Variants in PDE3B observed in about 807,000 individuals in gnomAD.
PDE3B encodes the protein cGMP-inhibited 3',5'-cyclic phosphodiesterase 3B.
PDE3B carries 66 observed loss-of-function variants against 116.8 expected under a neutral mutation model. That is an observed-to-expected ratio of 0.56 (90% CI 0.46 to 0.69). The LOEUF (loss-of-function observed/expected upper bound fraction) is 0.69. PDE3B is among the 30% of genes least tolerant of loss of function. The pLI is 0.00. For missense variants in PDE3B, 1,384 were observed against 1,368.1 expected (o/e 1.01, Z -0.18); for synonymous variants, 595 against 533.6 (o/e 1.12, Z -1.59).
At chr11:14,891,958 C>T in the PDE3B span, 1 of 1,609,640 alleles carries the variant, frequency 6.2e-7, no homozygotes, top group Non-Finnish European at 8.5e-7. Flanking sequence ...GCCCTCCCTG[C>T]CCGGGGCCCG....
chr11:14,678,214 C>T (rs1353769699), intron 1 of PDE3B, among the ~76,000 whole-genome samples: 1 of 152,030 alleles, frequency 6.6e-6, no homozygotes, highest in East Asian at 1.9e-4. Context: ...GCATGAGCCA[C>T]TGCACCTGGC....
chr11:14,855,566 A>T (rs1441977842), intron 12 of PDE3B, among the ~76,000 whole-genome samples: 9 of 152,184 alleles, frequency 5.9e-5, no homozygotes, highest in Non-Finnish European at 5.9e-5. Context: ...ATTAAATAAA[A>T]CATGGGAAAA....
At chr11:14,727,437 G>A (rs1301240722) in intron 1 of PDE3B, among the ~76,000 whole-genome samples, 2 of 152,080 alleles carry the variant, frequency 1.3e-5, no homozygotes, top group Non-Finnish European at 2.9e-5. Context: ...GTTCATAAGT[G>A]GCTACAGGTA....
intron 4 of PDE3B, among the ~76,000 whole-genome samples, chr11:14,801,403 C>G (rs2133932040): frequency 6.6e-6 from 1 of 152,330 alleles, no homozygotes; most frequent in Admixed American, 6.5e-5. Context: ...TGCTTCCGGT[C>G]TGCTGCAGTT....
At chr11:14,835,776 A>C (rs985949241) in intron 11 of PDE3B, among the ~76,000 whole-genome samples, 1 of 152,132 alleles carries the variant, frequency 6.6e-6, no homozygotes, top group African/African-American at 2.4e-5. Context: ...TAGGCAACAA[A>C]GCAAGACCCC....
intron 5 of PDE3B, among the ~76,000 whole-genome samples, chr11:14,806,882 A>G (rs1858949546): frequency 6.7e-6 from 1 of 150,062 alleles, no homozygotes; most frequent in Non-Finnish European, 1.5e-5. Flanking sequence ...AAAAAAAAAG[A>G]AAAAAAAGAA....
chr11:14,761,211 A>G (rs993193531), intron 1 of PDE3B, among the ~76,000 whole-genome samples: 1 of 152,180 alleles, frequency 6.6e-6, no homozygotes, highest in Non-Finnish European at 1.5e-5. Flanking sequence ...CATCATTGAA[A>G]GACTTTAATT....
chr11:14,898,321 G>C, the PDE3B span, among the ~76,000 whole-genome samples: 2 of 152,024 alleles, frequency 1.3e-5, no homozygotes, highest in African/African-American at 4.8e-5. Flanking sequence ...ATCCCTACTG[G>C]TCTGAAGGGC....
intron 1 of PDE3B, among the ~76,000 whole-genome samples, chr11:14,669,651 C>T (rs945639143): frequency 4.0e-5 from 6 of 148,592 alleles, no homozygotes; most frequent in African/African-American, 1.5e-4. Flanking sequence ...GTGATGTTCC[C>T]CACCCTGTGT....
chr11:14,712,393 T>C (rs1484568900), intron 1 of PDE3B, among the ~76,000 whole-genome samples: 1 of 152,092 alleles, frequency 6.6e-6, no homozygotes, highest in Non-Finnish European at 1.5e-5. Context: ...TCCTGTTTTC[T>C]TTTTTGAGGT....
intron 4 of PDE3B, among the ~76,000 whole-genome samples, chr11:14,789,579 A>G (rs1479735983): frequency 6.6e-6 from 1 of 152,058 alleles, no homozygotes; most frequent in Non-Finnish European, 1.5e-5. Flanking sequence ...CACCAATCCA[A>G]TGAATAGTAT....
intron 1 of PDE3B, among the ~76,000 whole-genome samples, chr11:14,770,814 T>A (rs1185452052): frequency 6.6e-6 from 1 of 151,626 alleles, no homozygotes; most frequent in Non-Finnish European, 1.5e-5. Context: ...GAGATGGTGA[T>A]AATGATAATT....
At chr11:14,675,467 A>T in intron 1 of PDE3B, among the ~76,000 whole-genome samples, 1 of 152,132 alleles carries the variant, frequency 6.6e-6, no homozygotes, top group East Asian at 1.9e-4. Context: ...CACTTATGTA[A>T]TCATGAACCA....
At chr11:14,882,954 T>G in the PDE3B span, among the ~76,000 whole-genome samples, 1 of 151,896 alleles carries the variant, frequency 6.6e-6, no homozygotes, top group African/African-American at 2.4e-5. Flanking sequence ...GAGAATAAAA[T>G]ACCTAGGAAT....
the PDE3B span, among the ~76,000 whole-genome samples, chr11:14,894,969 A>G: frequency 6.6e-6 from 1 of 152,216 alleles, no homozygotes; most frequent in Non-Finnish European, 1.5e-5. Flanking sequence ...CACACTGTAT[A>G]GGGCTTTGCC....
rs529267056 is a variant in PDE3B, at chr11:14,846,365, G to C, written c.2520+2339G>C. On this transcript the variant is annotated intron_variant, in intron 12 of 15. Coordinates refer to ENST00000282096, the MANE Select transcript of PDE3B (RefSeq NM_000922.4). ...CACTAAACATGGAAAGGAACAACTG[G>C]TACCAGCCACTGCAAAATCATGCCA... Among the ~76,000 whole-genome samples, 18 of 152,268 alleles carry C rather than the reference G, an allele frequency of 1.2e-4. 1 individual carries two copies. In the South Asian group the frequency reaches 3.5e-3, roughly 30 times the overall value.
At chr11:14,889,936 G>C in the PDE3B span, among the ~76,000 whole-genome samples, 23 of 152,192 alleles carry the variant, frequency 1.5e-4, no homozygotes, top group Non-Finnish European at 2.5e-4. Context: ...AGACCATCCT[G>C]CCTAACCGAG....
rs782808388 is a variant in PDE3B, at chr11:14,867,673, G to C, written c.3054G>C (p.Glu1018Asp). ...CAGGTCAGTGGTTAGAAGCAGAAGA[G>C]GATAATGATACTGAAAGTGGTGATG... ...LLPGQWLEAE[E>D]DNDTESGDDE... is the part of the protein sequence containing the mutation. Residue 1018 changes from glutamate (E) to aspartate (D), a missense_variant, in exon 15 of 16, where the codon GAG becomes GAC. By Grantham distance (45) the Glu-to-Asp change is conservative. Coordinates refer to ENST00000282096, the MANE Select transcript of PDE3B (RefSeq NM_000922.4). 3 of 1,613,800 alleles carry C rather than the reference G, an allele frequency of 1.9e-6. No homozygotes were observed. The South Asian group carries it at 3.3e-5, about 18-fold the overall frequency.
chr11:14,710,858 G>A (rs1421702838), intron 1 of PDE3B, among the ~76,000 whole-genome samples: 1 of 152,166 alleles, frequency 6.6e-6, no homozygotes, highest in Admixed American at 6.5e-5. Flanking sequence ...TGTGGTTTAA[G>A]TTGGATTTCT....
Sources: allele counts gnomAD v4.1 joint callset (sites outside exome capture counted in the v4.1 genomes callset), GRCh38; gene constraint gnomAD v4.1.1; transcripts MANE v1.5; gene names NCBI Gene and HGNC (gene_info 2026-07-23, HGNC 2026-07-21).